PRKG1: variants seen among roughly 807,000 people sequenced by gnomAD.
PRKG1 encodes the protein cGMP-dependent protein kinase 1.
A neutral mutation model predicts 88.1 loss-of-function variants in PRKG1; 35 were observed. That is an observed-to-expected ratio of 0.40 (90% CI 0.30 to 0.53). The LOEUF (loss-of-function observed/expected upper bound fraction) is 0.53. PRKG1 is among the 20% of genes least tolerant of loss of function. PRKG1 has a pLI of 0.59. For missense variants in PRKG1, 540 were observed against 839.8 expected (o/e 0.64, Z 4.41); for synonymous variants, 303 against 292.5 (o/e 1.04, Z -0.37).
intron 1 of PRKG1, among the ~76,000 whole-genome samples, chr10:51,040,281 A>T (rs1434945126): frequency 4.7e-4 from 28 of 59,590 alleles, no homozygotes; most frequent in Non-Finnish European, 6.2e-4. Flanking sequence ...TGACCTCTTT[A>T]ATTTCTTTCT....
chr10:52,125,976 G>A (rs895790252), intron 7 of PRKG1: 2 of 152,126 alleles, frequency 1.3e-5, no homozygotes, highest in African/African-American at 2.4e-5. Context: ...TGGACACACT[G>A]GAGAAAGGTA....
chr10:52,037,050 G>C (rs528567976), intron 5 of PRKG1, among the ~76,000 whole-genome samples: 50 of 152,284 alleles, frequency 3.3e-4, no homozygotes, highest in Non-Finnish European at 6.6e-4. Context: ...AAGCCGAGAA[G>C]ATCTGGGAAG....
At chr10:50,998,918 C>A (rs1299189805) in intron 1 of PRKG1, among the ~76,000 whole-genome samples, 2 of 152,078 alleles carry the variant, frequency 1.3e-5, no homozygotes, top group Non-Finnish European at 2.9e-5. Context: ...TCTTAAATAA[C>A]AGAGTTCGTT....
chr10:51,129,122 C>G (rs1034067094), intron 1 of PRKG1, among the ~76,000 whole-genome samples: 26 of 152,058 alleles, frequency 1.7e-4, no homozygotes, highest in Non-Finnish European at 2.8e-4. Flanking sequence ...CTTTTATATG[C>G]GTCATCTCAG....
intron 3 of PRKG1, among the ~76,000 whole-genome samples, chr10:51,666,046 A>T (rs1332214825): frequency 6.6e-6 from 1 of 152,170 alleles, no homozygotes; most frequent in Non-Finnish European, 1.5e-5. Flanking sequence ...GCTTTAAATG[A>T]TCAATAGCCT....
chr10:51,384,884 A>G (rs1439664189), intron 2 of PRKG1, among the ~76,000 whole-genome samples: 1 of 152,234 alleles, frequency 6.6e-6, no homozygotes, highest in Non-Finnish European at 1.5e-5. Context: ...GTAAATTAAA[A>G]CAGTGCACAT....
intron 2 of PRKG1, among the ~76,000 whole-genome samples, chr10:51,219,468 G>A (rs1171919840): frequency 1.3e-5 from 2 of 152,028 alleles, no homozygotes; most frequent in African/African-American, 4.8e-5. Context: ...CCAGCACTTC[G>A]GGAGGCTGTG....
At chr10:51,802,964 T>C (rs1839213013) in intron 3 of PRKG1, among the ~76,000 whole-genome samples, 1 of 152,132 alleles carries the variant, frequency 6.6e-6, no homozygotes, top group Non-Finnish European at 1.5e-5. Context: ...CTGAGCTCAT[T>C]TCCAACTGTG....
intron 5 of PRKG1, 62 bp from the exon 6 acceptor site, chr10:52,054,422 G>C: frequency 8.2e-7 from 1 of 1,221,618 alleles, no homozygotes; most frequent in Non-Finnish European, 1.2e-6. Flanking sequence ...ATTTGAAGAG[G>C]CTGAGCTGTT....
intron 3 of PRKG1, among the ~76,000 whole-genome samples, chr10:51,603,948 A>G (rs182721999): frequency 3.9e-5 from 6 of 152,312 alleles, no homozygotes; most frequent in Non-Finnish European, 7.3e-5. Flanking sequence ...AGTGGAAAGA[A>G]CACTCCATCC....
In PRKG1 at chr10:51,119,582, C is replaced by A. The variant is rs972231260; in HGVS notation, c.312-33582C>A. The stretch of plus-strand genomic sequence containing the variant: ...AAAATATATAAAACCACTTTCTACT[C>A]TAATTTAATGACCCTGTTCATTTCC... On this transcript the variant is annotated intron_variant, in intron 1 of 17. Transcript: ENST00000373980. Among the ~76,000 whole-genome samples the A allele has an allele frequency of 2.0e-5, 3 of 151,938 alleles. No individual in the cohort carries two copies. In the South Asian group the frequency reaches 6.2e-4, roughly 32 times the overall value.
At chr10:51,812,219 G>T (rs1839474798) in intron 4 of PRKG1, among the ~76,000 whole-genome samples, 1 of 152,152 alleles carries the variant, frequency 6.6e-6, no homozygotes, top group African/African-American at 2.4e-5. Flanking sequence ...TTAGGGATTT[G>T]ACAAACTCTT....
intron 2 of PRKG1, among the ~76,000 whole-genome samples, chr10:51,194,066 A>T (rs1470224069): frequency 6.6e-6 from 1 of 152,102 alleles, no homozygotes; most frequent in African/African-American, 2.4e-5. Context: ...TTAATTTCAA[A>T]TTGTTTTTCA....
intron 2 of PRKG1, among the ~76,000 whole-genome samples, chr10:51,414,743 C>T (rs1838192300): frequency 6.6e-6 from 1 of 152,098 alleles, no homozygotes; most frequent in Non-Finnish European, 1.5e-5. Context: ...TTATTCTTGA[C>T]ATTTACAACA....
intron 2 of PRKG1, among the ~76,000 whole-genome samples, chr10:51,213,942 T>C (rs116019067): frequency 0.02 from 3,066 of 152,276 alleles, 44 homozygotes; most frequent in Middle Eastern, 0.051. Flanking sequence ...GAATGGCCTT[T>C]TGTTTATAGT....
intron 3 of PRKG1, among the ~76,000 whole-genome samples, chr10:51,500,278 G>A (rs1840984618): frequency 6.6e-6 from 1 of 152,120 alleles, no homozygotes; most frequent in Admixed American, 6.6e-5. Context: ...GTTTCCACTT[G>A]AACTTGGCAG....
At chr10:51,276,160 T>C (rs1840111638) in intron 2 of PRKG1, among the ~76,000 whole-genome samples, 1 of 151,882 alleles carries the variant, frequency 6.6e-6, no homozygotes, top group South Asian at 2.1e-4. Context: ...TTCCCCTTCC[T>C]GTGTCCAAGC....
intron 1 of PRKG1, among the ~76,000 whole-genome samples, chr10:51,057,003 C>A (rs1843633416): frequency 6.6e-6 from 1 of 152,104 alleles, no homozygotes; most frequent in Non-Finnish European, 1.5e-5. Context: ...TCTTCTTTTC[C>A]GATTTCTTGA....
intron 5 of PRKG1, among the ~76,000 whole-genome samples, chr10:52,044,050 C>T (rs1845810941): frequency 6.6e-6 from 1 of 151,946 alleles, no homozygotes; most frequent in African/African-American, 2.4e-5. Flanking sequence ...GAATCATAAA[C>T]TCTGAAGGTG....
Sources: allele counts gnomAD v4.1 joint callset (sites outside exome capture counted in the v4.1 genomes callset), GRCh38; gene constraint gnomAD v4.1.1; transcripts MANE v1.5; gene names NCBI Gene and HGNC (gene_info 2026-07-23, HGNC 2026-07-21).